Variants in MNDA observed in about 807,000 individuals in gnomAD.
MNDA encodes the protein epididymis secretory sperm binding protein.
A neutral mutation model predicts 37.8 loss-of-function variants in MNDA; 43 were observed. That is an observed-to-expected ratio of 1.14 (90% CI 0.89 to 1.47). MNDA has a LOEUF of 1.47. Ranked by LOEUF, MNDA falls within the 40% of genes most tolerant of loss-of-function variation. The probability of loss-of-function intolerance (pLI) is 0.00; values close to 1 mark genes in which losing one functional copy is unlikely to be tolerated. For synonymous variants in MNDA, 181 were observed against 169.0 expected, an observed-to-expected ratio of 1.07 and a Z score of -0.55; for missense variants, 536 against 476.0, an observed-to-expected ratio of 1.13 and a Z score of -1.17.
rs1010850436 is a variant in MNDA at position 158,842,232 on chromosome 1, T to C, written c.79T>C (p.Ser27Pro). Residue 27 changes from serine to proline, a missense_variant, in exon 2 of 7, where the codon TCC becomes CCC. By Grantham distance (74) the Ser-to-Pro change is moderately conservative. Coordinates refer to ENST00000368141, the MANE Select transcript of MNDA (RefSeq NM_002432.3). The part of the protein sequence containing the change: ...MDDYHFTSIK[S>P]LLAYDLGLTT... Reference sequence around the variant, plus strand: ...TGATTATCATTTTACATCAATTAAGTCCTTACTGGCCTATGATTTAGGACT... The same window carrying C: ...TGATTATCATTTTACATCAATTAAGCCCTTACTGGCCTATGATTTAGGACT... 4 of 1,613,820 alleles carry C rather than the reference T, an allele frequency of 2.5e-6. No homozygotes were observed. The highest frequency in any genetic ancestry group is 2.7e-5 in the African/African-American group (2 of 74,890).
chr1:158,844,892 T>C (rs1659102419), intron 4 of MNDA, among the ~76,000 whole-genome samples: 1 of 152,170 alleles, frequency 6.6e-6, no homozygotes, highest in Admixed American at 6.5e-5. Context: ...TATTTGGATT[T>C]GTTATTATAT....
rs1202863211 is a variant in MNDA, at chr1:158,847,887, C to T, written c.1147C>T (p.Leu383=). The part of the protein sequence containing the change: ...QLRTVDRKLK[L]VCGSHSFIKV... ...GAGAACAGTTGACCGCAAGCTGAAA[C>T]TGGTGTGTGGAAGTCACAGCTTCAT... Residue 383 remains leucine, a synonymous_variant, in exon 6 of 7, where the codon CTG becomes TTG. Transcript: ENST00000368141. 12 of 1,613,740 alleles carry T rather than the reference C, an allele frequency of 7.4e-6. No individual in the cohort carries two copies. The highest frequency in any genetic ancestry group is 9.3e-6 in the Non-Finnish European group (11 of 1,179,838).
chr1:158,842,984 G>T (rs1356436024), intron 2 of MNDA, among the ~76,000 whole-genome samples: 1 of 152,150 alleles, frequency 6.6e-6, no homozygotes, highest in Non-Finnish European at 1.5e-5. Flanking sequence ...AATGGTAGGA[G>T]AACAAGACTG....
In MNDA at chr1:158,842,372, A is replaced by G; in HGVS notation, c.219A>G (p.Pro73=). 3 of 1,613,648 alleles carry G rather than the reference A, an allele frequency of 1.9e-6. No individual in the cohort carries two copies. The highest frequency in any genetic ancestry group is 2.5e-6 in the Non-Finnish European group (3 of 1,179,894). The change falls in exon 2 of 7, where the codon CCA becomes CCG. Residue 73 remains proline (P), a synonymous_variant. Coordinates refer to ENST00000368141, the MANE Select transcript of MNDA (RefSeq NM_002432.3). ...TAATAGAACTTGCCAAAGATATGCC[A>G]TCACTTAAAAACCTTGTTAACAATC... is the stretch of plus-strand genomic sequence containing the variant. The part of the protein sequence containing the change: ...DKLIELAKDM[P]SLKNLVNNLR...
In MNDA at chr1:158,843,408, T is replaced by C. The variant is rs755710921; in HGVS notation, c.395T>C (p.Val132Ala). The C allele has an allele frequency of 1.2e-6, 2 of 1,606,426 alleles. No homozygotes were observed. The highest frequency in any genetic ancestry group is 1.7e-6 in the Non-Finnish European group (2 of 1,176,738). ...LTSEARGRIP[V>A]AQKRKTPNKE... ...TCGGAAGCAAGAGGGAGGATTCCTG[T>C]AGCTCAGGTAAGCTTGAGAAAGAGG... is the stretch of plus-strand genomic sequence containing the variant. Residue 132 changes from valine to alanine, a missense_variant, in exon 3 of 7, where the codon GTA becomes GCA. By Grantham distance (64) the Val-to-Ala change is moderately conservative (BLOSUM62 0). Transcript: ENST00000368141.
intron 1 of MNDA, among the ~76,000 whole-genome samples, chr1:158,840,461 A>T (rs1345555547): frequency 6.6e-6 from 1 of 152,150 alleles, no homozygotes. Flanking sequence ...CTTGCTCACT[A>T]TCACAAGATG....
chr1:158,842,956 C>A (rs1659061428), intron 2 of MNDA, among the ~76,000 whole-genome samples: 1 of 152,040 alleles, frequency 6.6e-6, no homozygotes, highest in South Asian at 2.1e-4. Flanking sequence ...ATCATGAAAG[C>A]CTTAGATATT....
chr1:158,846,957 G>A (rs1037508802), intron 5 of MNDA, among the ~76,000 whole-genome samples: 4 of 152,152 alleles, frequency 2.6e-5, no homozygotes, highest in African/African-American at 9.7e-5. Context: ...ACAAGATATT[G>A]GAAAAGAATA....
chr1:158,840,005 T>C (rs1658997816), intron 1 of MNDA, among the ~76,000 whole-genome samples: 1 of 152,172 alleles, frequency 6.6e-6, no homozygotes, highest in African/African-American at 2.4e-5. Flanking sequence ...GAAAACTGAT[T>C]CACAGCACTT....
rs556471983 is a variant in MNDA at position 158,835,903 on chromosome 1, CTTTCA to C, written c.-21+4349_-21+4353del. The stretch of plus-strand genomic sequence containing the variant: ...ATTGAGATGATCATTTTTTTTTTGT[CTTTCA>C]TTCTGGTAATGTGGTGTATTATCTT... On this transcript the variant is annotated intron_variant, in intron 1 of 6. Coordinates refer to ENST00000368141, the MANE Select transcript of MNDA (RefSeq NM_002432.3). Among the ~76,000 whole-genome samples, 741 of 146,604 alleles carry C rather than the reference CTTTCA, an allele frequency of 5.1e-3. 9 individuals carry two copies. Among genetic ancestry groups the C allele is most frequent in the African/African-American group, 0.017 (700 of 40,108 alleles).
Position 158,843,967 on chromosome 1 carries a change from C to A in MNDA, c.415C>A (p.Pro139Thr), listed in dbSNP as rs763618518. 1.3e-6 allele frequency: 2 copies of A among 1,589,540 alleles called. No homozygotes were observed. The highest frequency in any genetic ancestry group is 1.9e-5 in the Admixed American group (1 of 52,958). ...AAACTACTTTCAGAAAAGAAAAACT[C>A]CAAACAAAGAAAAGACTGAAGCCAA... ...RIPVAQKRKT[P>T]NKEKTEAKRN... is the part of the protein sequence containing the mutation. Residue 139 changes from proline to threonine, a missense_variant, in exon 4 of 7, where the codon CCA (proline) becomes ACA (threonine). Coordinates refer to ENST00000368141, the MANE Select transcript of MNDA (RefSeq NM_002432.3).
In MNDA at chr1:158,843,348, C is replaced by A; in HGVS notation, c.335C>A (p.Ala112Glu). 1 of 1,612,096 alleles carries A rather than the reference C, an allele frequency of 6.2e-7. No homozygotes were observed. The highest frequency in any genetic ancestry group is 8.5e-7 in the Non-Finnish European group (1 of 1,179,112). ...ATAAACCAGGAAGAAGTGGGTCTTG[C>A]GGCACCTGCACCCACCGCAAGAAAC... is the stretch of plus-strand genomic sequence containing the variant. ...KKINQEEVGL[A>E]APAPTARNKL... The change falls in exon 3 of 7, where the codon GCG (alanine) becomes GAG (glutamate). Residue 112 changes from alanine (A) to glutamate (E), a missense_variant. Ala to Glu is a moderately radical substitution (Grantham distance 107). Transcript: ENST00000368141.
Position 158,845,796 on chromosome 1 carries a change from T to G in MNDA, c.780T>G (p.Phe260Leu), listed in dbSNP as rs1252915942. 5.6e-6 allele frequency: 9 copies of G among 1,614,062 alleles called. No homozygotes were observed. Among genetic ancestry groups the G allele is most frequent in the Admixed American group, 1.7e-5 (1 of 59,998 alleles). ...KVFDINLKEK[F>L]VRKKVITISD... Reference sequence around the variant, plus strand: ...TCGACATCAACTTGAAAGAGAAATTTGTAAGGAAGAAGGTCATTACCATAT... The same window carrying G: ...TCGACATCAACTTGAAAGAGAAATTGGTAAGGAAGAAGGTCATTACCATAT... Residue 260 changes from phenylalanine to leucine, a missense_variant, in exon 5 of 7, where the codon TTT (phenylalanine) becomes TTG (leucine). Transcript: ENST00000368141.
At chr1:158,844,360 G>T (rs190989852) in intron 4 of MNDA, among the ~76,000 whole-genome samples, 24 of 151,404 alleles carry the variant, frequency 1.6e-4, no homozygotes. Flanking sequence ...AGCATTTCTG[G>T]TCTGTGCAGG....
rs140389748 is a variant in MNDA, at chr1:158,831,481, C to T, written c.-97C>T. ...GCAGTTTAATCTCTCCAAAGCTTTACGGACAGTGATTCTGTCCTAAACAAG... is the reference window on the plus strand; with the variant it reads ...GCAGTTTAATCTCTCCAAAGCTTTATGGACAGTGATTCTGTCCTAAACAAG... On this transcript the variant is annotated 5_prime_UTR_variant, in exon 1 of 7. It adds an upstream start codon to the 5' untranslated region. Transcript: ENST00000368141. 4.6e-5 allele frequency: 7 copies of T among 152,268 alleles called. No homozygotes were observed. The highest frequency in any genetic ancestry group is 2.1e-4 in the South Asian group (1 of 4,830). 9.4% of individuals were successfully genotyped at this position (152,268 alleles called of 1,614,324 possible).
At chr1:158,832,189 G>C (rs1310634469) in intron 1 of MNDA, among the ~76,000 whole-genome samples, 1 of 151,970 alleles carries the variant, frequency 6.6e-6, no homozygotes, top group Non-Finnish European at 1.5e-5. Context: ...TGAAAAGACA[G>C]GGAGAATCAA....
intron 6 of MNDA, among the ~76,000 whole-genome samples, chr1:158,848,215 T>C (rs1408937161): frequency 6.6e-6 from 1 of 152,200 alleles, no homozygotes; most frequent in Non-Finnish European, 1.5e-5. Flanking sequence ...ATTTGAATCC[T>C]GGATTTAAGA....
In MNDA at chr1:158,845,790, G is replaced by T. The variant is rs144094005; in HGVS notation, c.774G>T (p.Glu258Asp). ...HVKVFDINLK[E>D]KFVRKKVITI... Reference sequence around the variant, plus strand: ...AAGTCTTCGACATCAACTTGAAAGAGAAATTTGTAAGGAAGAAGGTCATTA... The same window carrying T: ...AAGTCTTCGACATCAACTTGAAAGATAAATTTGTAAGGAAGAAGGTCATTA... The change falls in exon 5 of 7, where the codon GAG (glutamate) becomes GAT (aspartate). Residue 258 changes from glutamate to aspartate, a missense_variant. Physicochemically the swap from Glu to Asp is conservative, Grantham distance 45. Transcript: ENST00000368141. The T allele has an allele frequency of 6.5e-5, 105 of 1,613,938 alleles. No homozygotes were observed. The African/African-American group carries it at 1.3e-3, about 19-fold the overall frequency.
chr1:158,842,388 G>GTT lies in MNDA; in HGVS notation c.236_237dup (p.Asn80LeufsTer23). 6.2e-7 allele frequency: 1 copy of GTT among 1,611,766 alleles called. No homozygotes were observed. The highest frequency in any genetic ancestry group is 8.5e-7 in the Non-Finnish European group (1 of 1,179,274). The stretch of plus-strand genomic sequence containing the variant: ...AGATATGCCATCACTTAAAAACCTT[G>GTT]TTAACAATCTTCGAAAAGAGAAGTC... On this transcript the variant is annotated frameshift_variant, in exon 2 of 7. Transcript: ENST00000368141. LOFTEE classifies it high-confidence loss of function.
Sources: gnomAD v4.1 joint callset for allele counts (sites outside exome capture counted in the v4.1 genomes callset) on GRCh38, gnomAD v4.1.1 for gene constraint, MANE v1.5 for transcripts, NCBI Gene and HGNC (gene_info 2026-07-23, HGNC 2026-07-21) for gene names.